The following FSTL4 variants were observed in gnomAD, a reference collection of about 807,000 sequenced individuals.
FSTL4 encodes follistatin like 4.
FSTL4 carries 28 observed loss-of-function variants against 78.2 expected under a neutral mutation model. The ratio of observed to expected loss-of-function variants is 0.36; its 90% CI spans 0.27 to 0.49. FSTL4 has a LOEUF of 0.49. FSTL4 is among the 20% of genes least tolerant of loss of function. The probability of loss-of-function intolerance (pLI) is 0.98; values close to 1 mark genes in which losing one functional copy is unlikely to be tolerated. For missense variants in FSTL4, 922 were observed against 1,084.9 expected, an observed-to-expected ratio of 0.85 and a Z score of 2.11; for synonymous variants, 422 against 440.5, an observed-to-expected ratio of 0.96 and a Z score of 0.53.
At chr5:133,464,524 C>T (rs766555789) in intron 3 of FSTL4, among the ~76,000 whole-genome samples, 5 of 152,174 alleles carry the variant, frequency 3.3e-5, no homozygotes, top group African/African-American at 1.2e-4. Flanking sequence ...GCAGAGGGGC[C>T]GGCCTCGTGG....
intron 3 of FSTL4, among the ~76,000 whole-genome samples, chr5:133,537,950 A>G (rs1158573668): frequency 6.6e-6 from 1 of 152,068 alleles, no homozygotes; most frequent in Non-Finnish European, 1.5e-5. Flanking sequence ...GAACCATTTG[A>G]GAACAAGCTA....
At chr5:133,497,700 C>T (rs2112874253) in intron 3 of FSTL4, among the ~76,000 whole-genome samples, 1 of 152,318 alleles carries the variant, frequency 6.6e-6, no homozygotes, top group African/African-American at 2.4e-5. Context: ...GAATATGATT[C>T]AGACCCAGAT....
intron 6 of FSTL4, chr5:133,276,035 G>C (rs1011318572): frequency 9.2e-5 from 14 of 152,240 alleles, no homozygotes; most frequent in African/African-American, 3.1e-4. Flanking sequence ...TTATGGCTGT[G>C]AGAGAGCTCC....
chr5:133,256,311 C>T (rs1468310397), intron 6 of FSTL4, among the ~76,000 whole-genome samples: 1 of 152,206 alleles, frequency 6.6e-6, no homozygotes, highest in African/African-American at 2.4e-5. Flanking sequence ...ACCTAGGTGC[C>T]ACCAAAGAAG....
intron 3 of FSTL4, among the ~76,000 whole-genome samples, chr5:133,462,811 T>C (rs1036217297): frequency 3.9e-5 from 6 of 152,198 alleles, no homozygotes; most frequent in African/African-American, 1.4e-4. Context: ...GCCCTATTCA[T>C]GGACTTGGCA....
intron 2 of FSTL4, among the ~76,000 whole-genome samples, chr5:133,602,601 A>G (rs1327014057): frequency 6.6e-6 from 1 of 152,250 alleles, no homozygotes; most frequent in Non-Finnish European, 1.5e-5. Flanking sequence ...ATATGAGTGT[A>G]CTGATAAAGC....
chr5:133,687,961 A>G, the FSTL4 span, among the ~76,000 whole-genome samples: 2 of 152,184 alleles, frequency 1.3e-5, no homozygotes, highest in Admixed American at 6.5e-5. Context: ...TGCATTCCTG[A>G]CAAAATGGGA....
chr5:133,356,532 C>T (rs995754322), intron 4 of FSTL4, among the ~76,000 whole-genome samples: 2 of 152,198 alleles, frequency 1.3e-5, no homozygotes, highest in Non-Finnish European at 2.9e-5. Flanking sequence ...GACAGGTAGA[C>T]GCCCCTGCAG....
At chr5:133,515,890 A>G (rs1045821262) in intron 3 of FSTL4, among the ~76,000 whole-genome samples, 2 of 152,210 alleles carry the variant, frequency 1.3e-5, no homozygotes, top group Non-Finnish European at 2.9e-5. Flanking sequence ...TATTGAAAAA[A>G]TTGAGTTTCT....
chr5:133,590,572 T>A (rs12514066), intron 2 of FSTL4, among the ~76,000 whole-genome samples: 34,614 of 151,908 alleles, frequency 0.23, 4,248 homozygotes, highest in East Asian at 0.29. Context: ...CCTCTTTCTT[T>A]CCAAGAATGA....
At chr5:133,388,736 T>G in intron 4 of FSTL4, among the ~76,000 whole-genome samples, 1 of 152,168 alleles carries the variant, frequency 6.6e-6, no homozygotes. Flanking sequence ...TGGATCTCTC[T>G]TTGCTTATTG....
the FSTL4 span, among the ~76,000 whole-genome samples, chr5:133,680,095 A>C: frequency 6.6e-5 from 10 of 152,296 alleles, no homozygotes; most frequent in South Asian, 2.1e-3. Flanking sequence ...CATGTCAAAC[A>C]ACCTCTGCTG....
At chr5:133,799,108 T>TAGCC in the FSTL4 span, among the ~76,000 whole-genome samples, 2 of 136,100 alleles carry the variant, frequency 1.5e-5, 1 homozygote, top group African/African-American at 5.4e-5. Context: ...AGAAAGAATC[T>TAGCC]AGCCAGCCAC....
At chr5:133,538,432 T>A (rs1237169589) in intron 3 of FSTL4, among the ~76,000 whole-genome samples, 1 of 152,176 alleles carries the variant, frequency 6.6e-6, no homozygotes, top group Non-Finnish European at 1.5e-5. Context: ...TAGCTTTAAT[T>A]GCTTGGTTAA....
At chr5:133,224,764 C>G (rs1232904737) in intron 10 of FSTL4, among the ~76,000 whole-genome samples, 1 of 152,240 alleles carries the variant, frequency 6.6e-6, no homozygotes, top group African/African-American at 2.4e-5. Flanking sequence ...AAGGCTACCA[C>G]ACTCCCAATG....
intron 3 of FSTL4, among the ~76,000 whole-genome samples, chr5:133,420,897 G>T (rs1023310831): frequency 5.3e-5 from 8 of 152,238 alleles, no homozygotes; most frequent in Non-Finnish European, 1.2e-4. Context: ...TACGAGAAGG[G>T]TGACGGGACA....
intron 3 of FSTL4, among the ~76,000 whole-genome samples, chr5:133,486,691 A>T (rs1561736190): frequency 6.6e-6 from 1 of 152,052 alleles, no homozygotes; most frequent in Non-Finnish European, 1.5e-5. Flanking sequence ...CCCCCTCTTC[A>T]CCCTGCCAAA....
chr5:133,411,518 A>G (rs188751648), intron 3 of FSTL4, among the ~76,000 whole-genome samples: 116 of 152,340 alleles, frequency 7.6e-4, no homozygotes, highest in Non-Finnish European at 1.4e-3. Context: ...GTCAAGAAGA[A>G]GACATATCTC....
intron 6 of FSTL4, among the ~76,000 whole-genome samples, chr5:133,310,601 G>C (rs550733029): frequency 6.6e-6 from 1 of 152,340 alleles, no homozygotes; most frequent in Admixed American, 6.5e-5. Flanking sequence ...CAGGCACCAA[G>C]ATGGTGCCCA....
Sources: gnomAD v4.1 joint callset for allele counts (sites outside exome capture counted in the v4.1 genomes callset) on GRCh38, gnomAD v4.1.1 for gene constraint, MANE v1.5 for transcripts, NCBI Gene and HGNC (gene_info 2026-07-23, HGNC 2026-07-21) for gene names.